The following CDH12 variants were observed in gnomAD, a reference collection of about 807,000 sequenced individuals.
CDH12 encodes cadherin 12.
In CDH12, 41 loss-of-function variants were observed where a neutral mutation model predicts 74.1. The observed-to-expected ratio is 0.55, with a 90% CI of 0.43 to 0.72. The LOEUF (loss-of-function observed/expected upper bound fraction) is 0.72. CDH12 is among the 30% of genes least tolerant of loss of function. The probability of loss-of-function intolerance (pLI) is 0.00; values close to 1 mark genes in which losing one functional copy is unlikely to be tolerated. For missense variants in CDH12, 945 were observed against 977.2 expected (o/e 0.97, Z 0.44); for synonymous variants, 399 against 355.0 (o/e 1.12, Z -1.39).
At chr5:22,273,496 T>C (rs1561273335) in intron 3 of CDH12, among the ~76,000 whole-genome samples, 1 of 152,182 alleles carries the variant, frequency 6.6e-6, no homozygotes, top group African/African-American at 2.4e-5. Flanking sequence ...ATCTCATTGA[T>C]TAATTAATTC....
chr5:22,105,888 T>A (rs1229143645), intron 4 of CDH12, among the ~76,000 whole-genome samples: 1 of 152,040 alleles, frequency 6.6e-6, no homozygotes, highest in Non-Finnish European at 1.5e-5. Flanking sequence ...TTTGGGGAGG[T>A]ACACAATTAA....
At chr5:22,282,011 TGGTA>T (rs1736910840) in intron 3 of CDH12, among the ~76,000 whole-genome samples, 1 of 992 alleles carries the variant, frequency 1.0e-3, no homozygotes, top group Non-Finnish European at 3.0e-3. Flanking sequence ...TGCATGATAC[TGGTA>T]CCAAAACTGC....
At chr5:22,235,440 G>A (rs933646611) in intron 3 of CDH12, among the ~76,000 whole-genome samples, 6 of 152,084 alleles carry the variant, frequency 3.9e-5, no homozygotes, top group African/African-American at 1.4e-4. Flanking sequence ...AAATTAGGCA[G>A]GCGTGGTGTG....
chr5:21,937,682 C>G (rs936794100), intron 6 of CDH12, among the ~76,000 whole-genome samples: 6 of 152,156 alleles, frequency 3.9e-5, no homozygotes, highest in Admixed American at 3.3e-4. Flanking sequence ...ATTTTTGGGC[C>G]CATCCATAAA....
intron 1 of CDH12, among the ~76,000 whole-genome samples, chr5:22,624,737 T>G (rs1024127210): frequency 2.0e-5 from 3 of 152,240 alleles, no homozygotes; most frequent in Non-Finnish European, 2.9e-5. Context: ...TCAACTATTG[T>G]GGAAGACAGT....
intron 2 of CDH12, among the ~76,000 whole-genome samples, chr5:22,413,246 G>C (rs1743235183): frequency 6.6e-6 from 1 of 151,834 alleles, no homozygotes; most frequent in Non-Finnish European, 1.5e-5. Context: ...CATCTCCCAG[G>C]GAAAATGTAT....
chr5:22,416,560 T>C lies in CDH12; in HGVS notation c.-427-11209A>G, dbSNP rs552344562. ...AGTACAAATGACCTCAGGTTAAAGA[T>C]CAAATCAAAAGTGTAGCTGCAATAC... is the stretch of plus-strand genomic sequence containing the variant. On this transcript the variant is annotated intron_variant, in intron 2 of 14. Coordinates refer to ENST00000382254, the MANE Select transcript of CDH12 (RefSeq NM_004061.5). Among the ~76,000 whole-genome samples, 10 of 152,198 alleles carry C rather than the reference T, an allele frequency of 6.6e-5. No individual in the cohort carries two copies. The South Asian group carries it at 2.1e-3, about 32-fold the overall frequency.
At chr5:22,379,500 G>A (rs893135457) in intron 3 of CDH12, among the ~76,000 whole-genome samples, 3 of 152,080 alleles carry the variant, frequency 2.0e-5, no homozygotes, top group South Asian at 2.1e-4. Flanking sequence ...ATTAACTTGG[G>A]ATAATATAAA....
At chr5:22,728,515 C>T (rs1341767799) in intron 1 of CDH12, among the ~76,000 whole-genome samples, 1 of 151,832 alleles carries the variant, frequency 6.6e-6, no homozygotes, top group African/African-American at 2.4e-5. Context: ...ACCTTGAGGA[C>T]TTAAAATAAT....
At chr5:22,030,903 G>A (rs977562655) in intron 5 of CDH12, among the ~76,000 whole-genome samples, 1 of 152,164 alleles carries the variant, frequency 6.6e-6, no homozygotes, top group Admixed American at 6.5e-5. Context: ...TTTATGTGAT[G>A]GCGATTACTT....
At chr5:22,159,913 G>T (rs1311378087) in intron 4 of CDH12, among the ~76,000 whole-genome samples, 1 of 152,124 alleles carries the variant, frequency 6.6e-6, no homozygotes, top group Non-Finnish European at 1.5e-5. Context: ...ATGTGTCTGT[G>T]TGCGTGTGTG....
chr5:22,746,874 A>G (rs910887936), intron 1 of CDH12, among the ~76,000 whole-genome samples: 1 of 152,234 alleles, frequency 6.6e-6, no homozygotes, highest in Non-Finnish European at 1.5e-5. Flanking sequence ...AGACAAAAGT[A>G]TATAATCATT....
intron 8 of CDH12, among the ~76,000 whole-genome samples, chr5:21,841,120 C>G (rs1749821945): frequency 6.6e-6 from 1 of 151,966 alleles, no homozygotes; most frequent in Non-Finnish European, 1.5e-5. Context: ...TGACAAAGGG[C>G]TAATATCCAG....
chr5:22,192,490 A>C (rs887875312), intron 4 of CDH12, among the ~76,000 whole-genome samples: 1 of 152,222 alleles, frequency 6.6e-6, no homozygotes, highest in African/African-American at 2.4e-5. Context: ...CAAGTTACAC[A>C]GATGTAGAAG....
Position 22,207,719 on chromosome 5 carries a change from C to T in CDH12, c.-187+4779G>A, listed in dbSNP as rs138007660. Among the ~76,000 whole-genome samples the T allele has an allele frequency of 6.2e-3, 947 of 152,290 alleles. 9 individuals carry two copies. Among genetic ancestry groups the T allele is most frequent in the African/African-American group, 0.022 (901 of 41,562 alleles). ...TTCTTTTAAGAAACATCCACTTCATCTGTGTAAATCCAACAGGACCCCCAA... is the reference window on the plus strand; with the variant it reads ...TTCTTTTAAGAAACATCCACTTCATTTGTGTAAATCCAACAGGACCCCCAA... On this transcript the variant is annotated intron_variant, in intron 4 of 14. Coordinates refer to ENST00000382254, the MANE Select transcript of CDH12 (RefSeq NM_004061.5).
At chr5:22,642,820 A>T (rs1426012083) in intron 1 of CDH12, among the ~76,000 whole-genome samples, 1 of 152,150 alleles carries the variant, frequency 6.6e-6, no homozygotes, top group Non-Finnish European at 1.5e-5. Context: ...ATAAAAATCT[A>T]TAGATAATAA....
chr5:22,644,564 G>C (rs546442270), intron 1 of CDH12, among the ~76,000 whole-genome samples: 6 of 152,070 alleles, frequency 3.9e-5, no homozygotes, highest in Admixed American at 2.6e-4. Context: ...GGTTCATGAG[G>C]TTTGAGAAGA....
chr5:21,938,685 TATATA>T lies in CDH12; in HGVS notation c.526+36401_526+36405del, dbSNP rs999382653. 1.8e-3 allele frequency among the ~76,000 whole-genome samples: 266 copies of T among 144,498 alleles called. 1 individual carries two copies. The highest frequency in any genetic ancestry group is 3.6e-3 in the Middle Eastern group (1 of 278). 94.8% of individuals were successfully genotyped at this position (144,498 alleles called of 152,430 possible). Reference sequence around the variant, plus strand: ...CTTGCTAAATTTTAAGAATTTTATATATATAATATATTTATAATATTTTATATATA... The same window carrying T: ...CTTGCTAAATTTTAAGAATTTTATATATATATTTATAATATTTTATATATA... On this transcript the variant is annotated intron_variant, in intron 6 of 14. Transcript: ENST00000382254.
intron 2 of CDH12, among the ~76,000 whole-genome samples, chr5:22,438,755 T>TATATTC (rs1329228679): frequency 6.6e-6 from 1 of 151,934 alleles, no homozygotes; most frequent in African/African-American, 2.4e-5. Flanking sequence ...AATAATAAAT[T>TATATTC]AGGCCTCTCA....
Sources: gnomAD v4.1 joint callset for allele counts (sites outside exome capture counted in the v4.1 genomes callset) on GRCh38, gnomAD v4.1.1 for gene constraint, MANE v1.5 for transcripts, NCBI Gene and HGNC (gene_info 2026-07-23, HGNC 2026-07-21) for gene names.